Variants in FOCAD observed in about 807,000 individuals in gnomAD.
FOCAD encodes the protein KIAA1797.
Under a neutral mutation model 225.6 loss-of-function variants are expected in FOCAD, and 198 were observed. The ratio of observed to expected loss-of-function variants is 0.88; its 90% CI spans 0.78 to 0.99. The LOEUF (loss-of-function observed/expected upper bound fraction) is 0.99. Ranked by LOEUF, FOCAD falls within the 50% of genes least tolerant of loss-of-function variation. FOCAD has a pLI of 0.00. For missense variants in FOCAD, 2,713 were observed against 2,123.6 expected (o/e 1.28, Z -5.46); for synonymous variants, 897 against 755.0 (o/e 1.19, Z -3.08).
chr9:20,889,191 G>T (rs1487442101), intron 21 of FOCAD, among the ~76,000 whole-genome samples: 1 of 152,068 alleles, frequency 6.6e-6, no homozygotes, highest in Non-Finnish European at 1.5e-5. Flanking sequence ...CTGTAGATTT[G>T]CCTATTCTGG....
At chr9:20,859,791 G>A (rs2131677939) in intron 15 of FOCAD, among the ~76,000 whole-genome samples, 1 of 150,426 alleles carries the variant, frequency 6.6e-6, no homozygotes, top group South Asian at 2.1e-4. Context: ...TACGATAACT[G>A]ATAGAAGCTA....
At chr9:20,805,233 G>C (rs1318074583) in intron 11 of FOCAD, among the ~76,000 whole-genome samples, 1 of 152,132 alleles carries the variant, frequency 6.6e-6, no homozygotes, top group Non-Finnish European at 1.5e-5. Flanking sequence ...TTTTAGTTCT[G>C]CATGGCAACC....
chr9:20,671,919 T>C (rs555261614), intron 2 of FOCAD, among the ~76,000 whole-genome samples: 2 of 152,130 alleles, frequency 1.3e-5, no homozygotes, highest in Admixed American at 6.5e-5. Context: ...GGACATCAGG[T>C]TCATAGTTTG....
At chr9:20,976,741 A>G (rs1287475343) in intron 36 of FOCAD, among the ~76,000 whole-genome samples, 193 bp downstream of exon 36, 1 of 152,202 alleles carries the variant, frequency 6.6e-6, no homozygotes, top group Admixed American at 6.5e-5. Flanking sequence ...GAAGAGGTCT[A>G]AAGACACAGG....
intron 28 of FOCAD, among the ~76,000 whole-genome samples, chr9:20,936,565 A>C (rs985838801): frequency 1.3e-5 from 2 of 152,146 alleles, no homozygotes; most frequent in African/African-American, 4.8e-5. Flanking sequence ...GCGGTGGCTC[A>C]CGCCTGTAAT....
rs1269399830 is a variant in FOCAD, at chr9:20,986,381, G to C, written c.4822G>C (p.Val1608Leu). ...CCTGACCGATATGCTGAGCGTTGCT[G>C]TGCAGCACCGTGAGAAAGAGGTGTT... ...VNLTDMLSVA[V>L]QHREKEVLAW... The change falls in exon 40 of 44, where the codon GTG becomes CTG. Residue 1608 changes from valine to leucine, a missense_variant. Val to Leu is a conservative substitution (Grantham distance 32). Coordinates refer to ENST00000338382, the MANE Select transcript of FOCAD (RefSeq NM_001375567.1). 3 of 1,609,852 alleles carry C rather than the reference G, an allele frequency of 1.9e-6. No homozygotes were observed. Among genetic ancestry groups the C allele is most frequent in the Non-Finnish European group, 2.5e-6 (3 of 1,179,178 alleles).
chr9:20,806,757 T>G (rs1822502960), intron 11 of FOCAD, among the ~76,000 whole-genome samples: 1 of 152,222 alleles, frequency 6.6e-6, no homozygotes, highest in Non-Finnish European at 1.5e-5. Context: ...TTATTAATAT[T>G]TTGGTAATAG....
intron 1 of FOCAD, among the ~76,000 whole-genome samples, chr9:20,706,640 T>G (rs1268551189): frequency 6.6e-6 from 1 of 152,226 alleles, no homozygotes; most frequent in Non-Finnish European, 1.5e-5. Flanking sequence ...TTTGGCAAGT[T>G]GCTTTAACCT....
intron 7 of FOCAD, 80 bp downstream of exon 7, chr9:20,765,153 A>G: frequency 7.7e-7 from 1 of 1,294,522 alleles, no homozygotes; most frequent in Non-Finnish European, 1.1e-6. Context: ...TAGTTCTAGA[A>G]CATAAGTGAT....
At chr9:20,887,391 C>T (rs34161539) in intron 21 of FOCAD, among the ~76,000 whole-genome samples, 30,873 of 151,902 alleles carry the variant, frequency 0.2, 3,558 homozygotes, top group South Asian at 0.32. Flanking sequence ...TGCGCCACCA[C>T]GCCCAGCTAA....
At chr9:20,865,592 A>G (rs2131719687) in intron 16 of FOCAD, among the ~76,000 whole-genome samples, 1 of 152,154 alleles carries the variant, frequency 6.6e-6, no homozygotes, top group South Asian at 2.1e-4. Context: ...GGCCACATGG[A>G]GAAAGGAAAA....
intron 18 of FOCAD, among the ~76,000 whole-genome samples, chr9:20,870,926 A>AGT (rs1381090920): frequency 1.3e-5 from 2 of 152,000 alleles, no homozygotes; most frequent in African/African-American, 2.4e-5. Context: ...TTATCAGCTG[A>AGT]GTGTGGTGGC....
intron 24 of FOCAD, among the ~76,000 whole-genome samples, chr9:20,922,384 C>T (rs1834523967): frequency 6.6e-6 from 1 of 152,094 alleles, no homozygotes; most frequent in African/African-American, 2.4e-5. Context: ...TTCAAGTCTT[C>T]ACAGAGCTTA....
At chr9:20,746,400 T>G (rs1828040830) in intron 5 of FOCAD, among the ~76,000 whole-genome samples, 1 of 152,070 alleles carries the variant, frequency 6.6e-6, no homozygotes, top group Non-Finnish European at 1.5e-5. Flanking sequence ...GGCTAGAATA[T>G]GAAAGGCCAT....
intron 4 of FOCAD, among the ~76,000 whole-genome samples, chr9:20,727,356 G>T (rs1029995182): frequency 1.3e-5 from 2 of 152,118 alleles, no homozygotes; most frequent in Non-Finnish European, 2.9e-5. Flanking sequence ...ATGTATTTAT[G>T]CTAAGATGTT....
chr9:20,789,159 A>C (rs1325118330), intron 10 of FOCAD, among the ~76,000 whole-genome samples, 192 bp from the exon 11 acceptor site: 1 of 152,192 alleles, frequency 6.6e-6, no homozygotes, highest in Admixed American at 6.5e-5. Flanking sequence ...AGTTCCATCT[A>C]ACAACTCTTT....
chr9:20,708,858 T>A (rs1158235176), intron 1 of FOCAD, among the ~76,000 whole-genome samples: 3 of 152,164 alleles, frequency 2.0e-5, no homozygotes. Context: ...TATAGAAATT[T>A]GGTAGTCAAG....
rs372099947 is a variant in FOCAD at position 20,721,472 on chromosome 9, C to T, written c.287+938C>T. On this transcript the variant is annotated intron_variant, in intron 4 of 43. Transcript: ENST00000338382. The stretch of plus-strand genomic sequence containing the variant: ...ATCCTAGCACTTTGGGAGGCTGAGG[C>T]GGGCGGATCACCTGACGTCAGGAGT... 6.6e-5 allele frequency among the ~76,000 whole-genome samples: 10 copies of T among 152,096 alleles called. No homozygotes were observed. In the South Asian group the frequency reaches 8.3e-4, roughly 13 times the overall value.
At chr9:20,724,099 G>A (rs374290127) in intron 4 of FOCAD, among the ~76,000 whole-genome samples, 33 of 152,234 alleles carry the variant, frequency 2.2e-4, no homozygotes, top group Admixed American at 9.8e-4. Flanking sequence ...TCTGCCTCCC[G>A]TAATTCATTC....
Sources: allele counts gnomAD v4.1 joint callset (sites outside exome capture counted in the v4.1 genomes callset), GRCh38; gene constraint gnomAD v4.1.1; transcripts MANE v1.5; gene names NCBI Gene and HGNC (gene_info 2026-07-23, HGNC 2026-07-21).